Variants in RHOA observed in about 807,000 individuals in gnomAD.
RHOA encodes the protein ras homolog family member A, also known as transforming protein RhoA.
A neutral mutation model predicts 17.5 loss-of-function variants in RHOA; 3 were observed. The observed-to-expected ratio is 0.17, with a 90% CI of 0.08 to 0.44. RHOA has a LOEUF of 0.44. Among genes scored for constraint, RHOA ranks in the 20% least tolerant of loss-of-function variants. The probability of loss-of-function intolerance (pLI) is 0.99; values close to 1 mark genes in which losing one functional copy is unlikely to be tolerated. For synonymous variants in RHOA, 98 were observed against 88.4 expected, an observed-to-expected ratio of 1.11 and a Z score of -0.61; for missense variants, 56 against 242.3, an observed-to-expected ratio of 0.23 and a Z score of 5.10.
Position 49,383,762 on chromosome 3 carries a change from G to A in RHOA, c.-2-8171C>T, listed in dbSNP as rs138449278. On this transcript the variant is annotated intron_variant, in intron 1 of 4. Coordinates refer to ENST00000418115, the MANE Select transcript of RHOA (RefSeq NM_001664.4). ...GACCCTAGTCCAGCCAGGCACGGTG[G>A]CTCACGCCCATAATCCCAGCACTTT... Among the ~76,000 whole-genome samples, 15 of 152,266 alleles carry A rather than the reference G, an allele frequency of 9.9e-5. No individual in the cohort carries two copies. In the East Asian group the frequency reaches 2.9e-3, roughly 29 times the overall value.
chr3:49,405,558 G>A (rs923417774), intron 1 of RHOA, among the ~76,000 whole-genome samples: 2 of 152,166 alleles, frequency 1.3e-5, no homozygotes, highest in Admixed American at 6.6e-5. Flanking sequence ...GAAAAAAACT[G>A]AATTACAAAG....
At chr3:49,372,330 T>C (rs2048158813) in intron 2 of RHOA, among the ~76,000 whole-genome samples, 1 of 152,188 alleles carries the variant, frequency 6.6e-6, no homozygotes, top group Non-Finnish European at 1.5e-5. Flanking sequence ...CCCAAAATTC[T>C]GTTAGGCTGG....
Position 49,359,921 on chromosome 3 carries a change from T to G in RHOA, c.*288A>C. ...ACAAAAGTTACCAACTGTTTCTCTT[T>G]CTAGAAAGAAGCAAGAAGTTAAGAA... is the stretch of plus-strand genomic sequence containing the variant. On this transcript the variant is annotated 3_prime_UTR_variant, in exon 5 of 5. Coordinates refer to ENST00000418115, the MANE Select transcript of RHOA (RefSeq NM_001664.4). 1 of 361,578 alleles carries G rather than the reference T, an allele frequency of 2.8e-6. No homozygotes were observed. The highest frequency in any genetic ancestry group is 5.0e-6 in the Non-Finnish European group (1 of 199,466). 22.4% of individuals were successfully genotyped at this position (361,578 alleles called of 1,614,324 possible). A position where few individuals can be genotyped will look rare whatever the true frequency, so the allele number is the denominator to read the frequency against.
At chr3:49,360,433 T>C (rs574598841) in intron 4 of RHOA, 51 bp from the exon 5 acceptor site, 11 of 1,524,102 alleles carry the variant, frequency 7.2e-6, no homozygotes, top group Admixed American at 2.2e-5. Context: ...GGCATACATA[T>C]AGTAAGTAAA....
chr3:49,410,941 C>T (rs2048922688), intron 1 of RHOA, among the ~76,000 whole-genome samples: 1 of 152,138 alleles, frequency 6.6e-6, no homozygotes, highest in African/African-American at 2.4e-5. Flanking sequence ...AATTTTCCAC[C>T]GTAAACTACT....
intron 3 of RHOA, among the ~76,000 whole-genome samples, chr3:49,367,415 T>C (rs986187162): frequency 6.7e-6 from 1 of 150,084 alleles, no homozygotes; most frequent in African/African-American, 2.5e-5. Context: ...TTTAGGCTAA[T>C]GAAATGATCA....
At chr3:49,407,232 G>GTTTTTTTTTTTTTTTTTTTTT (rs61556875) in intron 1 of RHOA, among the ~76,000 whole-genome samples, 1 of 70,020 alleles carries the variant, frequency 1.4e-5, no homozygotes. Flanking sequence ...AATCCTTTCC[G>GTTTTTTTTTTTTTTTTTTTTT]TTTTTTTTTT....
chr3:49,382,212 A>T (rs1402345609), intron 1 of RHOA, among the ~76,000 whole-genome samples: 1 of 152,034 alleles, frequency 6.6e-6, no homozygotes, highest in Admixed American at 6.6e-5. Flanking sequence ...CCAGCTACTC[A>T]GGAGGCTGAG....
intron 1 of RHOA, among the ~76,000 whole-genome samples, chr3:49,395,988 GGCAGTGATCTA>G (rs1171226843): frequency 6.6e-6 from 1 of 152,060 alleles, no homozygotes; most frequent in Non-Finnish European, 1.5e-5. Flanking sequence ...AATGGAGAGG[GGCAGTGATCTA>G]GCCAAAGAGT....
chr3:49,398,884 C>G (rs2048667113), intron 1 of RHOA, among the ~76,000 whole-genome samples: 1 of 126,838 alleles, frequency 7.9e-6, no homozygotes, highest in Non-Finnish European at 1.6e-5. Flanking sequence ...ATTTTGCTGT[C>G]TGAGTATTAC....
chr3:49,398,839 CAAAAAAAAAAA>C (rs71080506), intron 1 of RHOA, among the ~76,000 whole-genome samples: 471 of 35,584 alleles, frequency 0.013, 3 homozygotes, highest in Admixed American at 0.018. Context: ...GACTCCGTCT[CAAAAAAAAAAA>C]AAAAAAAAAA....
At chr3:49,390,483 T>C (rs1053969618) in intron 1 of RHOA, among the ~76,000 whole-genome samples, 1 of 151,672 alleles carries the variant, frequency 6.6e-6, no homozygotes, top group African/African-American at 2.4e-5. Flanking sequence ...AGACTAGTCT[T>C]GAACTCCTGA....
rs190770732 is a variant in RHOA, at chr3:49,375,333, T to C, written c.156+101A>G. 756 of 1,061,290 alleles carry C rather than the reference T, an allele frequency of 7.1e-4. 6 individuals carry two copies. The Admixed American group carries it at 0.016, about 22-fold the overall frequency. The allele number at this position is 1,061,290 out of a possible 1,614,324, so 65.7% of individuals were successfully genotyped here. A position where few individuals can be genotyped will look rare whatever the true frequency, so the allele number is the denominator to read the frequency against. On this transcript the variant is annotated intron_variant, in intron 2 of 4. Transcript: ENST00000418115. ...GGATTCTTCTTTCCAACATTTTTGT[T>C]ATATGGTATACTGAAGAGGCAAAAA...
chr3:49,408,181 T>TAC (rs2048868041), intron 1 of RHOA, among the ~76,000 whole-genome samples: 1 of 150,070 alleles, frequency 6.7e-6, no homozygotes. Flanking sequence ...AAAAAAAATA[T>TAC]ATATATATAC....
intron 1 of RHOA, among the ~76,000 whole-genome samples, chr3:49,403,872 T>C (rs1307386961): frequency 6.6e-6 from 1 of 152,050 alleles, no homozygotes; most frequent in Non-Finnish European, 1.5e-5. Flanking sequence ...CAGTGGAGTC[T>C]AGGAACCACT....
At chr3:49,400,629 C>G (rs2048706885) in intron 1 of RHOA, among the ~76,000 whole-genome samples, 1 of 151,870 alleles carries the variant, frequency 6.6e-6, no homozygotes, top group South Asian at 2.1e-4. Context: ...GCTGAGGTAG[C>G]TGGATCCCTT....
intron 3 of RHOA, among the ~76,000 whole-genome samples, chr3:49,365,472 T>A (rs1252616886): frequency 1.3e-5 from 2 of 151,958 alleles, no homozygotes; most frequent in African/African-American, 4.8e-5. Context: ...GTAGGTGCTG[T>A]AGTTATTTCC....
chr3:49,381,923 T>C (rs1043655925), intron 1 of RHOA, among the ~76,000 whole-genome samples: 1 of 151,094 alleles, frequency 6.6e-6, no homozygotes, highest in Admixed American at 6.6e-5. Context: ...TGGCAACTCA[T>C]GCCTGTAATC....
rs144331437 is a variant in RHOA at position 49,375,351 on chromosome 3, G to A, written c.156+83C>T. ...TTTTTGTTATATGGTATACTGAAGAGGCAAAAAGCTCTAATTCTCTACATG... is the reference window on the plus strand; with the variant it reads ...TTTTTGTTATATGGTATACTGAAGAAGCAAAAAGCTCTAATTCTCTACATG... On this transcript the variant is annotated intron_variant, in intron 2 of 4. Coordinates refer to ENST00000418115, the MANE Select transcript of RHOA (RefSeq NM_001664.4). 3.0e-5 allele frequency: 40 copies of A among 1,351,782 alleles called. No homozygotes were observed. The East Asian group carries it at 7.4e-4, about 25-fold the overall frequency. The allele number at this position is 1,351,782 out of a possible 1,614,324, so 83.7% of individuals were successfully genotyped here. A position where few individuals can be genotyped will look rare whatever the true frequency, so the allele number is the denominator to read the frequency against.
Sources: allele counts gnomAD v4.1 joint callset (sites outside exome capture counted in the v4.1 genomes callset), GRCh38; gene constraint gnomAD v4.1.1; transcripts MANE v1.5; gene names NCBI Gene and HGNC (gene_info 2026-07-23, HGNC 2026-07-21).